LYST: variants seen among roughly 807,000 people sequenced by gnomAD.
LYST encodes the protein lysosomal-trafficking regulator.
Under a neutral mutation model 413.6 loss-of-function variants are expected in LYST, and 192 were observed. That is an observed-to-expected ratio of 0.46 (90% CI 0.41 to 0.52). The LOEUF is 0.52. LYST is among the 20% of genes least tolerant of loss of function. The pLI is 0.00. For missense variants in LYST, 3,815 were observed against 4,499.9 expected, an observed-to-expected ratio of 0.85 and a Z score of 4.35; for synonymous variants, 1,525 against 1,567.3, an observed-to-expected ratio of 0.97 and a Z score of 0.64.
upstream of LYST, among the ~76,000 whole-genome samples, chr1:235,869,355 T>C (rs1020447468): frequency 5.3e-5 from 8 of 152,012 alleles, no homozygotes; most frequent in Non-Finnish European, 7.4e-5. Flanking sequence ...GCCTGTAGTC[T>C]CAGCTAATCG....
chr1:235,757,892 T>C (rs1667189565), intron 23 of LYST, among the ~76,000 whole-genome samples: 1 of 151,920 alleles, frequency 6.6e-6, no homozygotes, highest in Non-Finnish European at 1.5e-5. Flanking sequence ...TGTTTTTTTT[T>C]TTTTTTTCAC....
chr1:235,742,401 G>T (rs918214718), intron 30 of LYST, among the ~76,000 whole-genome samples: 1 of 151,542 alleles, frequency 6.6e-6, no homozygotes, highest in African/African-American at 2.4e-5. Context: ...GCTGCAGTGA[G>T]TTGAGACTGG....
At chr1:235,697,999 C>T (rs189290722) in intron 45 of LYST, among the ~76,000 whole-genome samples, 6 of 152,268 alleles carry the variant, frequency 3.9e-5, no homozygotes, top group African/African-American at 9.6e-5. Context: ...TCCTCCACTT[C>T]AAGCAAAAAC....
Position 235,804,543 on chromosome 1 carries a change from A to G in LYST, c.3516T>C (p.Tyr1172=), listed in dbSNP as rs769579628. The change falls in exon 7 of 53, where the codon TAT becomes TAC. Residue 1172 remains tyrosine, a synonymous_variant. Coordinates refer to ENST00000389793, the MANE Select transcript of LYST (RefSeq NM_000081.4). ...DALLRVALGN[Y]SADFEHNDAM... is the part of the protein sequence containing the mutation. ...CATCATTATGTTCAAAATCTGCTGA[A>G]TAATTCCCGAGGGCAACTCGAAGCA... The G allele has an allele frequency of 6.2e-7, 1 of 1,613,854 alleles. No individual in the cohort carries two copies. Among genetic ancestry groups the G allele is most frequent in the Non-Finnish European group, 8.5e-7 (1 of 1,179,740 alleles).
chr1:235,788,684 C>A lies in LYST; in HGVS notation c.4688+17G>T. ...AAATACATTATCTATTCATGGGAGG[C>A]TGAGGATAATCAATACCGAAAGATA... On this transcript the variant is annotated intron_variant, in intron 13 of 52. Transcript: ENST00000389793. 6.2e-7 allele frequency: 1 copy of A among 1,611,496 alleles called. No homozygotes were observed. The highest frequency in any genetic ancestry group is 8.5e-7 in the Non-Finnish European group (1 of 1,177,906).
At chr1:235,816,445 A>AT (rs1558293848) in intron 3 of LYST, among the ~76,000 whole-genome samples, 1 of 141,104 alleles carries the variant, frequency 7.1e-6, no homozygotes, top group East Asian at 1.9e-4. Context: ...GTCAAAAAAA[A>AT]AAATAAATAA....
intron 10 of LYST, among the ~76,000 whole-genome samples, chr1:235,796,256 G>C (rs1671546309): frequency 6.6e-6 from 1 of 152,028 alleles, no homozygotes; most frequent in African/African-American, 2.4e-5. Flanking sequence ...ATGAAAGATA[G>C]AATAGACAAA....
chr1:235,788,327 T>C (rs1670644676), intron 13 of LYST, among the ~76,000 whole-genome samples: 1 of 151,776 alleles, frequency 6.6e-6, no homozygotes, highest in Admixed American at 6.6e-5. Context: ...GCCTGGCTAA[T>C]TTTTGTGGTT....
chr1:235,778,172 T>G (rs1434159031), intron 16 of LYST, among the ~76,000 whole-genome samples: 1 of 149,786 alleles, frequency 6.7e-6, no homozygotes, highest in Admixed American at 6.6e-5. Context: ...TCTCAAACCC[T>G]TGACCTAAAG....
chr1:235,693,517 A>T, intron 46 of LYST, 31 bp from the exon 47 acceptor site: 2 of 1,613,528 alleles, frequency 1.2e-6, no homozygotes, highest in Non-Finnish European at 1.7e-6. Context: ...AAAGTATCAG[A>T]TTGTCACTGC....
At position 235,773,929 on chromosome 1, in the gene LYST, C is replaced by A. The variant is rs768310949; in HGVS notation, c.5697G>T (p.Lys1899Asn). The part of the protein sequence containing the change: ...IIYMNENGEF[K>N]LDVDSNAIIQ... ...TTATAGCATTAGAGTCTACATCCAA[C>A]TTAAACTCTCCATTCTCATTCATAT... is the stretch of plus-strand genomic sequence containing the variant. Residue 1899 changes from lysine (K) to asparagine (N), a missense_variant, in exon 19 of 53, where the codon AAG becomes AAT. Physicochemically the swap from Lys to Asn is moderately conservative, Grantham distance 94. Coordinates refer to ENST00000389793, the MANE Select transcript of LYST (RefSeq NM_000081.4). The A allele has an allele frequency of 2.5e-6, 4 of 1,603,306 alleles. No homozygotes were observed. The highest frequency in any genetic ancestry group is 3.4e-6 in the Non-Finnish European group (4 of 1,170,442).
chr1:235,727,499 C>G (rs1037248922), intron 38 of LYST, among the ~76,000 whole-genome samples: 1 of 151,818 alleles, frequency 6.6e-6, no homozygotes, highest in Non-Finnish European at 1.5e-5. Flanking sequence ...TAGGAATTCC[C>G]GGCTTTAGAA....
At chr1:235,872,561 T>C (rs1680979944) in intron 1 of LYST, among the ~76,000 whole-genome samples, 1 of 152,206 alleles carries the variant, frequency 6.6e-6, no homozygotes. Context: ...GCCTCTGGAA[T>C]GAAGGTCTTA....
intron 16 of LYST, among the ~76,000 whole-genome samples, chr1:235,778,664 A>G (rs1011774654): frequency 1.3e-5 from 2 of 150,968 alleles, no homozygotes; most frequent in East Asian, 4.0e-4. Context: ...TGGGATTACA[A>G]GCATGAGCCA....
At chr1:235,844,279 C>T (rs1337427735) in intron 1 of LYST, among the ~76,000 whole-genome samples, 1 of 151,958 alleles carries the variant, frequency 6.6e-6, no homozygotes, top group African/African-American at 2.4e-5. Flanking sequence ...AAAAAGATAA[C>T]ACCATTTATA....
In LYST at chr1:235,681,100, G is replaced by A. The variant is rs955976804; in HGVS notation, c.10801-3481C>T. On this transcript the variant is annotated intron_variant, in intron 48 of 52. Coordinates refer to ENST00000389793, the MANE Select transcript of LYST (RefSeq NM_000081.4). ...AAAGATGATTTTCACAAAGAACTCC[G>A]GGGACCCACAGATAAGTCGCTTCCT... 2.6e-5 allele frequency among the ~76,000 whole-genome samples: 4 copies of A among 152,098 alleles called. No homozygotes were observed. In the East Asian group the frequency reaches 5.8e-4, roughly 22 times the overall value.
chr1:235,751,067 G>T, intron 28 of LYST, 143 bp downstream of exon 28: 1 of 771,374 alleles, frequency 1.3e-6, no homozygotes, highest in Non-Finnish European at 2.2e-6. Context: ...AAAGTAAGGA[G>T]CAGAATAGTT....
At position 235,809,399 on chromosome 1, in the gene LYST, T is replaced by C; in HGVS notation, c.1419A>G (p.Ile473Met). 6.2e-7 allele frequency: 1 copy of C among 1,613,996 alleles called. No homozygotes were observed. Among genetic ancestry groups the C allele is most frequent in the Middle Eastern group, 1.6e-4 (1 of 6,062 alleles). ...PEASEHLKAL[I>M]NSVMKIMSTV... ...TGCTCATTATTTTCATCACACTATT[T>C]ATTAGGGCTTTCAAATGCTCTGAGG... Residue 473 changes from isoleucine to methionine, a missense_variant, in exon 5 of 53, where the codon ATA becomes ATG. Coordinates refer to ENST00000389793, the MANE Select transcript of LYST (RefSeq NM_000081.4). The surrounding 1 kb of genome is among the most constrained non-coding windows in gnomAD (Gnocchi z 4.0).
chr1:235,669,080 A>G (rs1658721136), intron 50 of LYST, among the ~76,000 whole-genome samples: 1 of 152,186 alleles, frequency 6.6e-6, no homozygotes, highest in African/African-American at 2.4e-5. Flanking sequence ...AAAAATAAGT[A>G]TTTGGTCTTT....
Sources: allele counts gnomAD v4.1 joint callset (sites outside exome capture counted in the v4.1 genomes callset), GRCh38; gene constraint gnomAD v4.1.1; non-coding constraint Gnocchi (gnomAD v3.1); transcripts MANE v1.5; gene names NCBI Gene and HGNC (gene_info 2026-07-23, HGNC 2026-07-21).